Variants in EXOC4 observed in about 807,000 individuals in gnomAD.
EXOC4 encodes the protein exocyst complex component 4.
In EXOC4, 71 loss-of-function variants were observed where a neutral mutation model predicts 107.2. The observed-to-expected ratio is 0.66, with a 90% CI of 0.55 to 0.81. The LOEUF (loss-of-function observed/expected upper bound fraction) is 0.81, where lower values mean the gene tolerates loss of function less well. Among genes scored for constraint, EXOC4 ranks in the 30% least tolerant of loss-of-function variants. The pLI, the probability that EXOC4 is intolerant of heterozygous loss-of-function variation, is 0.00. For missense variants in EXOC4, 1,108 were observed against 1,189.6 expected (o/e 0.93, Z 1.01); for synonymous variants, 456 against 441.2 (o/e 1.03, Z -0.42).
chr7:133,700,844 G>A (rs560726978), intron 10 of EXOC4, among the ~76,000 whole-genome samples: 2 of 152,214 alleles, frequency 1.3e-5, no homozygotes, highest in South Asian at 4.1e-4. Context: ...GGCCTTCTCT[G>A]ATAGTCAGTA....
chr7:133,600,489 C>T (rs1801780752), intron 9 of EXOC4, among the ~76,000 whole-genome samples: 3 of 152,112 alleles, frequency 2.0e-5, no homozygotes, highest in Admixed American at 2.0e-4. Flanking sequence ...TTTCTACTTT[C>T]CCAATCACCT....
At chr7:133,523,682 A>G (rs565221888) in intron 9 of EXOC4, among the ~76,000 whole-genome samples, 2 of 151,456 alleles carry the variant, frequency 1.3e-5, no homozygotes, top group South Asian at 4.2e-4. Flanking sequence ...TATGAGTGAG[A>G]ATATGTGGTA....
chr7:133,339,584 G>T (rs968885847), intron 5 of EXOC4, among the ~76,000 whole-genome samples: 43 of 152,224 alleles, frequency 2.8e-4, no homozygotes, highest in African/African-American at 9.1e-4. Context: ...CATTGAATTT[G>T]TAGATCACTT....
chr7:133,846,016 A>T (rs77489896), intron 11 of EXOC4, among the ~76,000 whole-genome samples: 4,002 of 152,250 alleles, frequency 0.026, 185 homozygotes, highest in African/African-American at 0.091. Context: ...TAATCCTCAC[A>T]GTCCCCCACA....
chr7:133,979,192 G>C (rs879848143), intron 14 of EXOC4, among the ~76,000 whole-genome samples: 4 of 151,966 alleles, frequency 2.6e-5, no homozygotes, highest in African/African-American at 2.4e-5. Context: ...GTCTCTTCAG[G>C]TGAATATAAC....
chr7:133,743,666 G>A lies in EXOC4; in HGVS notation c.1515-73659G>A, dbSNP rs1330139610. The stretch of plus-strand genomic sequence containing the variant: ...TGAAATTAGTCAAAACCCCCCCATG[G>A]TTGCCATTGTGGGCCATACTTGGGC... On this transcript the variant is annotated intron_variant, in intron 10 of 17. Coordinates refer to ENST00000253861, the MANE Select transcript of EXOC4 (RefSeq NM_021807.4). 2.6e-5 allele frequency among the ~76,000 whole-genome samples: 4 copies of A among 152,130 alleles called. No individual in the cohort carries two copies. In the South Asian group the frequency reaches 6.2e-4, roughly 24 times the overall value.
chr7:133,596,373 G>A (rs531073846), intron 9 of EXOC4, among the ~76,000 whole-genome samples: 113 of 152,310 alleles, frequency 7.4e-4, no homozygotes, highest in African/African-American at 2.5e-3. Context: ...GCATAGAATT[G>A]TTCATATTTG....
the EXOC4 span, among the ~76,000 whole-genome samples, chr7:134,094,088 A>T: frequency 1.1e-4 from 17 of 152,210 alleles, no homozygotes; most frequent in East Asian, 2.7e-3. Flanking sequence ...ATAACTGAAA[A>T]ATATTGAGTC....
chr7:134,039,317 G>A (rs980383768), intron 17 of EXOC4, among the ~76,000 whole-genome samples: 1 of 152,062 alleles, frequency 6.6e-6, no homozygotes, highest in African/African-American at 2.4e-5. Flanking sequence ...TAAAGCTTCA[G>A]GGAGTCCATA....
chr7:133,291,017 T>G (rs1451953556), intron 3 of EXOC4: 1 of 152,132 alleles, frequency 6.6e-6, no homozygotes, highest in Non-Finnish European at 1.5e-5. Context: ...TTTCCACCTT[T>G]ACAGAAGAAA....
intron 10 of EXOC4, among the ~76,000 whole-genome samples, chr7:133,726,812 T>C (rs1795224934): frequency 6.6e-6 from 1 of 152,200 alleles, no homozygotes; most frequent in Non-Finnish European, 1.5e-5. Context: ...CAGTTGTTCA[T>C]TTTGTTTTGC....
chr7:133,496,976 T>A (rs752701448), intron 9 of EXOC4, among the ~76,000 whole-genome samples: 1 of 152,144 alleles, frequency 6.6e-6, no homozygotes, highest in Non-Finnish European at 1.5e-5. Context: ...CAGCAGAAGG[T>A]GCTCTTCTGT....
the EXOC4 span, among the ~76,000 whole-genome samples, chr7:134,072,198 T>C: frequency 6.6e-6 from 1 of 152,232 alleles, no homozygotes; most frequent in Non-Finnish European, 1.5e-5. Flanking sequence ...CATGTTGCCT[T>C]AGCCTTCATA....
At chr7:133,855,294 AC>A (rs2116294073) in intron 11 of EXOC4, among the ~76,000 whole-genome samples, 1 of 150,894 alleles carries the variant, frequency 6.6e-6, no homozygotes, top group Admixed American at 6.6e-5. Context: ...GGAATAATCT[AC>A]TAATCTAAAC....
intron 7 of EXOC4, among the ~76,000 whole-genome samples, chr7:133,444,055 G>T (rs1215892076): frequency 6.6e-6 from 1 of 152,162 alleles, no homozygotes; most frequent in African/African-American, 2.4e-5. Flanking sequence ...GGCCCAAAAG[G>T]TATGCTGAAA....
At chr7:134,002,318 CT>C (rs1032916087) in intron 15 of EXOC4, among the ~76,000 whole-genome samples, 6 of 152,138 alleles carry the variant, frequency 3.9e-5, no homozygotes, top group Admixed American at 3.9e-4. Flanking sequence ...CCATATAAAA[CT>C]TAGCTTAAAA....
At chr7:133,987,071 T>C (rs1794131665) in intron 14 of EXOC4, among the ~76,000 whole-genome samples, 1 of 152,126 alleles carries the variant, frequency 6.6e-6, no homozygotes, top group Admixed American at 6.5e-5. Flanking sequence ...CATCAAAGGA[T>C]TTCAGAGTTG....
chr7:133,267,778 A>G (rs922721635), intron 1 of EXOC4, among the ~76,000 whole-genome samples: 2 of 152,220 alleles, frequency 1.3e-5, no homozygotes, highest in African/African-American at 4.8e-5. Flanking sequence ...ATTTTTGAGC[A>G]TGCATTTCAT....
At chr7:133,895,283 C>G (rs1403202845) in intron 11 of EXOC4, 2 of 191,056 alleles carry the variant, frequency 1.0e-5, no homozygotes, top group South Asian at 9.5e-5. Context: ...CGCCCTGCTT[C>G]GGCTCGCGCA....
Sources: gnomAD v4.1 joint callset for allele counts (sites outside exome capture counted in the v4.1 genomes callset) on GRCh38, gnomAD v4.1.1 for gene constraint, MANE v1.5 for transcripts, NCBI Gene and HGNC (gene_info 2026-07-23, HGNC 2026-07-21) for gene names.